DMD: variants seen among roughly 807,000 people sequenced by gnomAD.
DMD encodes mutant dystrophin.
Under a neutral mutation model 330.1 loss-of-function variants are expected in DMD, and 63 were observed. That is an observed-to-expected ratio of 0.19 (90% confidence interval 0.16 to 0.24). The LOEUF (loss-of-function observed/expected upper bound fraction) is 0.24. DMD is among the 10% of genes least tolerant of loss of function. The pLI, the probability that DMD is intolerant of heterozygous loss-of-function variation, is 1.00. For synonymous variants in DMD, 1,223 were observed against 959.8 expected, an observed-to-expected ratio of 1.27 and a Z score of -5.07; for missense variants, 3,344 against 2,684.1, an observed-to-expected ratio of 1.25 and a Z score of -5.43.
In DMD at chrX:31,859,365, G is replaced by C. The variant is rs888861096; in HGVS notation, c.7098+15823C>G. ...TTTTCTCACTGCCCAGTATGGGAAA[G>C]GGTTATGAAGATCACTGAGAAATAA... is the stretch of plus-strand genomic sequence containing the variant. On this transcript the variant is annotated intron_variant, in intron 48 of 78. Transcript: ENST00000357033. 4.5e-5 allele frequency among the ~76,000 whole-genome samples: 5 copies of C among 112,096 alleles called. No individual in the cohort carries two copies. The Admixed American group carries it at 4.7e-4, about 11-fold the overall frequency.
At chrX:32,820,313 G>A (rs1349881623) in intron 5 of DMD, among the ~76,000 whole-genome samples, 1 of 111,021 alleles carries the variant, frequency 9.0e-6, no homozygotes, top group Non-Finnish European at 1.9e-5. Flanking sequence ...GTGGTGGCGG[G>A]CGCCTGTAGT....
chrX:32,363,041 G>A, intron 36 of DMD, 83 bp from the exon 37 acceptor site: 1 of 891,755 alleles, frequency 1.1e-6, no homozygotes, highest in Non-Finnish European at 1.6e-6. Flanking sequence ...AACAGAGCGA[G>A]TGAGCAAGTG....
chrX:32,198,680 G>A (rs1232725222), intron 44 of DMD, among the ~76,000 whole-genome samples: 1 of 111,411 alleles, frequency 9.0e-6, no homozygotes, highest in Non-Finnish European at 1.9e-5. Context: ...TCCAATTACT[G>A]TATTAAATAA....
intron 7 of DMD, among the ~76,000 whole-genome samples, chrX:32,782,980 C>A (rs1245336147): frequency 9.8e-6 from 1 of 101,715 alleles, no homozygotes; most frequent in African/African-American, 3.6e-5. Flanking sequence ...ATATATATAC[C>A]TATATGGTGT....
chrX:32,342,885 T>A (rs2097751087), intron 40 of DMD: 2 of 426,886 alleles, frequency 4.7e-6, no homozygotes, highest in South Asian at 5.2e-5. Context: ...ATTACAATTT[T>A]ACCAGAAAAC....
chrX:31,713,935 T>C (rs1185652041), intron 52 of DMD, among the ~76,000 whole-genome samples: 1 of 111,995 alleles, frequency 8.9e-6, no homozygotes. Flanking sequence ...TAGGGCAAGT[T>C]GCAAATATAA....
intron 7 of DMD, among the ~76,000 whole-genome samples, chrX:32,724,593 G>C (rs1902507741): frequency 9.0e-6 from 1 of 111,396 alleles, no homozygotes; most frequent in African/African-American, 3.3e-5. Flanking sequence ...CCCATAAAAT[G>C]AACAGTGATC....
intron 7 of DMD, among the ~76,000 whole-genome samples, chrX:32,714,109 A>G (rs948305036): frequency 8.9e-6 from 1 of 111,825 alleles, no homozygotes; most frequent in African/African-American, 3.3e-5. Flanking sequence ...ACACCATCAT[A>G]AAGTTGAAAA....
At chrX:32,654,028 T>TA (rs1382928960) in intron 9 of DMD, among the ~76,000 whole-genome samples, 16 of 112,343 alleles carry the variant, frequency 1.4e-4, no homozygotes, top group African/African-American at 4.9e-4. Context: ...TGAAGTTGCT[T>TA]ATCAGCTTAA....
At chrX:31,561,626 A>T (rs1053368257) in intron 55 of DMD, among the ~76,000 whole-genome samples, 2 of 112,254 alleles carry the variant, frequency 1.8e-5, no homozygotes, top group Admixed American at 1.9e-4. Context: ...ATATTAAGGT[A>T]GGCACTACTG....
At chrX:33,297,169 A>T (rs925076815) in intron 1 of DMD, among the ~76,000 whole-genome samples, 3 of 111,718 alleles carry the variant, frequency 2.7e-5, no homozygotes, top group Non-Finnish European at 5.7e-5. Context: ...ACACACACAC[A>T]TTAGTGTACA....
intron 9 of DMD, among the ~76,000 whole-genome samples, chrX:32,682,173 T>A (rs2062474595): frequency 8.9e-6 from 1 of 111,954 alleles, no homozygotes; most frequent in African/African-American, 3.2e-5. Flanking sequence ...ACTCAGTTTG[T>A]AAATTCCTTA....
chrX:31,435,663 T>C (rs755156747), intron 60 of DMD: 1 of 111,885 alleles, frequency 8.9e-6, no homozygotes, highest in Non-Finnish European at 1.9e-5. Flanking sequence ...TTCTACTTTC[T>C]AGAGGAATGT....
intron 71 of DMD, among the ~76,000 whole-genome samples, chrX:31,177,531 C>T (rs932997893): frequency 2.7e-5 from 3 of 111,449 alleles, no homozygotes; most frequent in Admixed American, 9.5e-5. Context: ...TAAAAAGCAT[C>T]GAATCTCAAG....
At chrX:32,758,013 AGTTCTATAAG>A (rs1451471986) in intron 7 of DMD, among the ~76,000 whole-genome samples, 2 of 111,898 alleles carry the variant, frequency 1.8e-5, no homozygotes, top group African/African-American at 6.5e-5. Context: ...TTCTGAGGAC[AGTTCTATAAG>A]GTTCTATAAT....
At chrX:31,306,174 T>C (rs1030694227) in intron 62 of DMD, among the ~76,000 whole-genome samples, 1 of 110,552 alleles carries the variant, frequency 9.0e-6, no homozygotes, top group Non-Finnish European at 1.9e-5. Context: ...CCAATTAGGG[T>C]TTATATAAAA....
At chrX:33,336,252 CGTGTGTGTGT>C (rs35895322) in intron 1 of DMD, among the ~76,000 whole-genome samples, 2 of 97,960 alleles carry the variant, frequency 2.0e-5, no homozygotes, top group African/African-American at 7.6e-5. Flanking sequence ...TTTTCCAAAG[CGTGTGTGTGT>C]GTGTGTGTGT....
At chrX:33,068,511 GA>G (rs942586992) in intron 1 of DMD, among the ~76,000 whole-genome samples, 47 of 111,161 alleles carry the variant, frequency 4.2e-4, no homozygotes, top group Admixed American at 1.5e-3. Flanking sequence ...CTTAAATTCA[GA>G]AAAAAAATAC....
Position 33,009,635 on chromosome X carries a change from T to C in DMD, c.93+10504A>G, listed in dbSNP as rs1334537434. Among the ~76,000 whole-genome samples, 15 of 61,982 alleles carry C rather than the reference T, an allele frequency of 2.4e-4. 2 individuals are homozygous for C. Among genetic ancestry groups the C allele is most frequent in the Non-Finnish European group, 4.2e-4 (13 of 31,095 alleles). 53.8% of individuals were successfully genotyped at this position (61,982 alleles called of 115,157 possible). A position where few individuals can be genotyped will look rare whatever the true frequency, so the allele number is the denominator to read the frequency against. On this transcript the variant is annotated intron_variant, in intron 2 of 78. Coordinates refer to ENST00000357033, the MANE Select transcript of DMD (RefSeq NM_004006.3). ...ACATATGTGTGTATGTGTGTATGTG[T>C]ATATACACATATGTGTGTATACGTG...
Sources: gnomAD v4.1 joint callset for allele counts (sites outside exome capture counted in the v4.1 genomes callset) on GRCh38, gnomAD v4.1.1 for gene constraint, MANE v1.5 for transcripts, NCBI Gene and HGNC (gene_info 2026-07-23, HGNC 2026-07-21) for gene names.